Variants in CDH4 observed in about 807,000 individuals in gnomAD.
CDH4 encodes cadherin-4.
CDH4 carries 33 observed loss-of-function variants against 86.0 expected under a neutral mutation model. The ratio of observed to expected loss-of-function variants is 0.38; its 90% confidence interval spans 0.29 to 0.51. The LOEUF is 0.51. Ranked by LOEUF, CDH4 falls within the 20% of genes least tolerant of loss-of-function variation. The pLI, the probability that CDH4 is intolerant of heterozygous loss-of-function variation, is 0.86. For missense variants in CDH4, 1,114 were observed against 1,307.4 expected (o/e 0.85, Z 2.28); for synonymous variants, 555 against 549.4 (o/e 1.01, Z -0.14).
At chr20:61,539,863 G>A (rs1205000387) in intron 2 of CDH4, among the ~76,000 whole-genome samples, 2 of 152,242 alleles carry the variant, frequency 1.3e-5, no homozygotes, top group African/African-American at 4.8e-5. Context: ...TCTCCAGAGG[G>A]TCTTGCCGAG....
At chr20:61,592,347 G>A (rs1190274778) in intron 2 of CDH4, among the ~76,000 whole-genome samples, 1 of 152,160 alleles carries the variant, frequency 6.6e-6, no homozygotes, top group East Asian at 1.9e-4. Flanking sequence ...GAGGAAAACT[G>A]GGCACTGCTC....
intron 2 of CDH4, among the ~76,000 whole-genome samples, chr20:61,311,521 A>G (rs2084445565): frequency 6.6e-6 from 1 of 152,232 alleles, no homozygotes; most frequent in African/African-American, 2.4e-5. Flanking sequence ...AGATTCAGAT[A>G]TTTAGTAAAC....
intron 2 of CDH4, among the ~76,000 whole-genome samples, chr20:61,276,985 A>G (rs1328254626): frequency 6.6e-6 from 1 of 152,186 alleles, no homozygotes; most frequent in African/African-American, 2.4e-5. Context: ...GTCCAAGTGC[A>G]CCATTCCAGG....
At chr20:61,909,793 A>G (rs2054829663) in intron 8 of CDH4, among the ~76,000 whole-genome samples, 1 of 152,130 alleles carries the variant, frequency 6.6e-6, no homozygotes, top group Admixed American at 6.5e-5. Flanking sequence ...TTTTCTTCCT[A>G]CAAGGTGGCA....
At chr20:61,511,931 A>G (rs1424104479) in intron 2 of CDH4, among the ~76,000 whole-genome samples, 1 of 152,196 alleles carries the variant, frequency 6.6e-6, no homozygotes, top group Non-Finnish European at 1.5e-5. Flanking sequence ...TAAGATCCCT[A>G]TAGAGAAAGA....
At chr20:61,366,324 C>T (rs2084810651) in intron 2 of CDH4, among the ~76,000 whole-genome samples, 1 of 152,196 alleles carries the variant, frequency 6.6e-6, no homozygotes, top group African/African-American at 2.4e-5. Flanking sequence ...GACCCTGTGA[C>T]TATTTGGGAG....
intron 2 of CDH4, among the ~76,000 whole-genome samples, chr20:61,298,022 C>T (rs575407630): frequency 1.3e-5 from 2 of 152,330 alleles, no homozygotes; most frequent in South Asian, 2.1e-4. Flanking sequence ...AGGAGGCCCA[C>T]GCAGGCACCC....
Position 61,708,433 on chromosome 20 carries a change from G to A in CDH4, c.170-35130G>A, listed in dbSNP as rs975930890. 6.6e-6 allele frequency among the ~76,000 whole-genome samples: 1 copy of A among 152,060 alleles called. No individual in the cohort carries two copies. The highest frequency in any genetic ancestry group is 1.5e-5 in the Non-Finnish European group (1 of 68,000). On this transcript the variant is annotated intron_variant, in intron 2 of 15. Coordinates refer to ENST00000614565, the MANE Select transcript of CDH4 (RefSeq NM_001794.5). This position sits in a 1 kb window ranked among gnomAD's most constrained non-coding sequence, Gnocchi z 4.5. ...CAGACACAGGCTTCCCAGCCAGGGC[G>A]ACTGCAGCATCCACCTCCTGCCACA...
chr20:61,718,886 C>T, intron 2 of CDH4: 1 of 471,074 alleles, frequency 2.1e-6, no homozygotes, highest in Non-Finnish European at 4.4e-6. Context: ...GGGGATGGAA[C>T]TCTCTGTCTG....
rs115594391 is a variant in CDH4, at chr20:61,428,850, G to A, written c.169+173913G>A. On this transcript the variant is annotated intron_variant, in intron 2 of 15. Coordinates refer to ENST00000614565, the MANE Select transcript of CDH4 (RefSeq NM_001794.5). ...AGAGATAGTGAGAGAGAGTGAGCGA[G>A]AGCAGGCGAGCTTTCCAGCTATGTT... Among the ~76,000 whole-genome samples the A allele has an allele frequency of 2.4e-3, 365 of 152,282 alleles. 2 individuals carry two copies. Among genetic ancestry groups the A allele is most frequent in the African/African-American group, 8.4e-3 (351 of 41,562 alleles).
intron 2 of CDH4, among the ~76,000 whole-genome samples, chr20:61,572,948 A>G (rs2145708045): frequency 6.6e-6 from 1 of 151,330 alleles, no homozygotes; most frequent in African/African-American, 2.4e-5. Flanking sequence ...AGATGGACAT[A>G]TGGGTGTACA....
chr20:61,405,239 T>C (rs1268284168), intron 2 of CDH4, among the ~76,000 whole-genome samples: 1 of 151,570 alleles, frequency 6.6e-6, no homozygotes, highest in Admixed American at 6.6e-5. Context: ...CATGGTCATC[T>C]TTTTCTCCCA....
At chr20:61,843,687 T>TAAA (rs67518472) in intron 4 of CDH4, among the ~76,000 whole-genome samples, 1 of 140,724 alleles carries the variant, frequency 7.1e-6, no homozygotes. Flanking sequence ...GACCTGTCTC[T>TAAA]AAAAAAAAAA....
At chr20:61,499,343 C>T in intron 2 of CDH4, 1 of 783,850 alleles carries the variant, frequency 1.3e-6, no homozygotes, top group Non-Finnish European at 1.9e-6. Context: ...TCAGTTTCGC[C>T]ACCTAGAAGG....
chr20:61,374,474 C>T (rs1223226854), intron 2 of CDH4, among the ~76,000 whole-genome samples: 5 of 152,202 alleles, frequency 3.3e-5, no homozygotes, highest in African/African-American at 1.2e-4. Context: ...CCTGGTGCTC[C>T]ACTCACTTTC....
intron 3 of CDH4, among the ~76,000 whole-genome samples, chr20:61,766,264 C>T (rs2145976840): frequency 6.6e-6 from 1 of 151,020 alleles, no homozygotes; most frequent in Non-Finnish European, 1.5e-5. Flanking sequence ...CTTCCACTGG[C>T]CTGGGCCTCA....
chr20:61,535,780 G>A (rs563238271), intron 2 of CDH4, among the ~76,000 whole-genome samples: 1 of 151,908 alleles, frequency 6.6e-6, no homozygotes, highest in South Asian at 2.1e-4. Context: ...CCCTGTACTC[G>A]CCCCTGAGCC....
intron 2 of CDH4, among the ~76,000 whole-genome samples, chr20:61,262,964 T>TGAGAGAGA (rs11472416): frequency 1.4e-5 from 2 of 148,100 alleles, no homozygotes; most frequent in Non-Finnish European, 3.0e-5. Context: ...AATCATGAAC[T>TGAGAGAGA]GAGAGAGAGA....
chr20:61,330,938 C>T (rs1430280099), intron 2 of CDH4, among the ~76,000 whole-genome samples: 2 of 152,050 alleles, frequency 1.3e-5, no homozygotes, highest in Admixed American at 6.5e-5. Context: ...CCCCTGCACA[C>T]CTGGGAGAGG....
Sources: gnomAD v4.1 joint callset for allele counts (sites outside exome capture counted in the v4.1 genomes callset) on GRCh38, gnomAD v4.1.1 for gene constraint, Gnocchi (gnomAD v3.1) non-coding constraint, MANE v1.5 for transcripts, NCBI Gene and HGNC (gene_info 2026-07-23, HGNC 2026-07-21) for gene names.